CLIP1: variants seen among roughly 807,000 people sequenced by gnomAD.
CLIP1 encodes CAP-Gly domain-containing linker protein 1.
A neutral mutation model predicts 161.6 loss-of-function variants in CLIP1; 66 were observed. That is an observed-to-expected ratio of 0.41 (90% CI 0.33 to 0.50). CLIP1 has a LOEUF of 0.50. Among genes scored for constraint, CLIP1 ranks in the 20% least tolerant of loss-of-function variants. CLIP1 has a pLI of 0.27. For missense variants in CLIP1, 1,376 were observed against 1,702.0 expected (o/e 0.81, Z 3.37); for synonymous variants, 598 against 626.2 (o/e 0.96, Z 0.67).
At chr12:122,387,464 C>T (rs139239894) in intron 1 of CLIP1, among the ~76,000 whole-genome samples, 1 of 138,854 alleles carries the variant, frequency 7.2e-6, no homozygotes, top group East Asian at 2.1e-4. Flanking sequence ...GGGAGGACTA[C>T]TGTCACTTAA....
chr12:122,360,542 C>A (rs1270690555), intron 5 of CLIP1, among the ~76,000 whole-genome samples: 4 of 151,664 alleles, frequency 2.6e-5, no homozygotes, highest in African/African-American at 9.7e-5. Context: ...CAAAGTGAGA[C>A]CCTGACTCAA....
At chr12:122,303,837 T>C (rs945566166) in intron 20 of CLIP1, among the ~76,000 whole-genome samples, 2 of 152,156 alleles carry the variant, frequency 1.3e-5, no homozygotes, top group Non-Finnish European at 2.9e-5. Flanking sequence ...CCCTTTGCAT[T>C]TCCCTGCCTT....
chr12:122,381,999 C>T (rs1955029558), intron 1 of CLIP1, among the ~76,000 whole-genome samples: 1 of 152,172 alleles, frequency 6.6e-6, no homozygotes, highest in Non-Finnish European at 1.5e-5. Flanking sequence ...CCAAGGTGGA[C>T]GGATCACTTG....
At chr12:122,330,597 G>GTTTTTTTTTTTTGTTTTT (rs376140195) in intron 15 of CLIP1, among the ~76,000 whole-genome samples, 1 of 101,382 alleles carries the variant, frequency 9.9e-6, no homozygotes, top group Admixed American at 1.2e-4. Context: ...GTATAATGCA[G>GTTTTTTTTTTTTGTTTTT]TTTTTTTTTT....
Position 122,341,712 on chromosome 12 carries a change from C to A in CLIP1, c.1507-15G>T. ...ACTGTAGCCACCTATTAACAGCAGT[C>A]CAAAGAAAAAAAGATCATTTAAATA... On this transcript the variant is annotated splice_polypyrimidine_tract_variant and intron_variant, in intron 10 of 25. Transcript: ENST00000620786. 7.6e-7 allele frequency: 1 copy of A among 1,314,088 alleles called. No homozygotes were observed. The highest frequency in any genetic ancestry group is 1.8e-5 in the South Asian group (1 of 56,534). The allele number at this position is 1,314,088 out of a possible 1,614,324, so 81.4% of individuals were successfully genotyped here.
intron 19 of CLIP1, among the ~76,000 whole-genome samples, chr12:122,314,994 T>A (rs533848110): frequency 1.6e-4 from 25 of 152,194 alleles, no homozygotes; most frequent in Non-Finnish European, 2.8e-4. Context: ...AATCCCATCA[T>A]CTAGAGACCC....
At chr12:122,336,166 T>TA (rs1466112733) in intron 12 of CLIP1, among the ~76,000 whole-genome samples, 3 of 152,152 alleles carry the variant, frequency 2.0e-5, no homozygotes, top group Non-Finnish European at 4.4e-5. Flanking sequence ...TAAACTGAGT[T>TA]AGATTTATTT....
intron 1 of CLIP1, among the ~76,000 whole-genome samples, chr12:122,420,679 TA>T (rs1279347842): frequency 1.3e-5 from 2 of 152,120 alleles, no homozygotes; most frequent in East Asian, 3.9e-4. Flanking sequence ...TTCACACCTG[TA>T]ATCCCAGCAC....
chr12:122,363,285 T>C (rs1953960958), intron 4 of CLIP1, among the ~76,000 whole-genome samples: 2 of 152,126 alleles, frequency 1.3e-5, no homozygotes, highest in African/African-American at 4.8e-5. Context: ...GGATCACTTG[T>C]GCCCAGGAGT....
At chr12:122,383,997 C>T (rs996068391) in intron 1 of CLIP1, among the ~76,000 whole-genome samples, 6 of 152,156 alleles carry the variant, frequency 3.9e-5, no homozygotes, top group Non-Finnish European at 8.8e-5. Context: ...ACACATAGAA[C>T]ATTATAATTC....
intron 21 of CLIP1, among the ~76,000 whole-genome samples, chr12:122,282,192 T>C (rs1024740458): frequency 6.6e-6 from 1 of 152,234 alleles, no homozygotes; most frequent in African/African-American, 2.4e-5. Context: ...TGGCAGCTCA[T>C]CTTTGTGACC....
rs1047699917 is a variant in CLIP1, at chr12:122,388,410, G to A, written c.-106-7852C>T. On this transcript the variant is annotated intron_variant, in intron 1 of 25. Coordinates refer to ENST00000620786, the MANE Select transcript of CLIP1 (RefSeq NM_001247997.2). ...AATTTTTTGTATTTTTAGTAGAGAC[G>A]GGGTTTCACCGTGTTAGCCAGGATG... Among the ~76,000 whole-genome samples the A allele has an allele frequency of 3.3e-5, 5 of 152,022 alleles. No homozygotes were observed. In the East Asian group the frequency reaches 7.7e-4, roughly 23 times the overall value.
At chr12:122,330,062 A>T (rs1362389057) in intron 15 of CLIP1, among the ~76,000 whole-genome samples, 1 of 152,142 alleles carries the variant, frequency 6.6e-6, no homozygotes, top group African/African-American at 2.4e-5. Flanking sequence ...GGTTGCGGTG[A>T]CCCAAGATCA....
At chr12:122,388,150 G>T (rs1196061820) in intron 1 of CLIP1, among the ~76,000 whole-genome samples, 1 of 151,970 alleles carries the variant, frequency 6.6e-6, no homozygotes, top group Non-Finnish European at 1.5e-5. Flanking sequence ...TACAGAATCG[G>T]CATCACATGA....
chr12:122,402,979 G>A (rs1024864286), intron 1 of CLIP1, among the ~76,000 whole-genome samples: 1 of 152,016 alleles, frequency 6.6e-6, no homozygotes, highest in Non-Finnish European at 1.5e-5. Flanking sequence ...TATGTGGCTC[G>A]TGGCTACTAC....
chr12:122,273,241 C>T (rs1370039701), intron 25 of CLIP1, 141 bp from the exon 26 acceptor site: 2 of 645,486 alleles, frequency 3.1e-6, no homozygotes, highest in East Asian at 5.5e-5. Context: ...TGCATTATCC[C>T]ACATTTAAAG....
At chr12:122,392,955 T>C (rs775133082) in intron 1 of CLIP1, among the ~76,000 whole-genome samples, 1 of 152,008 alleles carries the variant, frequency 6.6e-6, no homozygotes, top group Non-Finnish European at 1.5e-5. Context: ...CTAATTTTTG[T>C]ATTTTTAGTA....
intron 3 of CLIP1, among the ~76,000 whole-genome samples, chr12:122,370,345 C>T (rs756873097): frequency 2.0e-5 from 3 of 152,078 alleles, no homozygotes; most frequent in Non-Finnish European, 4.4e-5. Flanking sequence ...CCATGAGGAG[C>T]CCCTTTAGAT....
intron 1 of CLIP1, among the ~76,000 whole-genome samples, chr12:122,416,564 G>C (rs1276412440): frequency 1.4e-4 from 22 of 152,074 alleles, no homozygotes; most frequent in Admixed American, 1.4e-3. Context: ...TTTGAGTCTA[G>C]CTTGGGCGAT....
Sources: gnomAD v4.1 joint callset for allele counts (sites outside exome capture counted in the v4.1 genomes callset) on GRCh38, gnomAD v4.1.1 for gene constraint, MANE v1.5 for transcripts, NCBI Gene and HGNC (gene_info 2026-07-23, HGNC 2026-07-21) for gene names.